MARCHF4: variants seen among roughly 807,000 people sequenced by gnomAD.
The protein encoded by MARCHF4 is membrane associated ring-CH-type finger 4, also known as E3 ubiquitin-protein ligase MARCHF4.
In MARCHF4, 14 loss-of-function variants were observed where a neutral mutation model predicts 43.9. The ratio of observed to expected loss-of-function variants is 0.32; its 90% CI spans 0.21 to 0.50. The LOEUF (loss-of-function observed/expected upper bound fraction) is 0.50. MARCHF4 is among the 20% of genes least tolerant of loss of function. The probability of loss-of-function intolerance (pLI) is 0.98; values close to 1 mark genes in which losing one functional copy is unlikely to be tolerated. For missense variants in MARCHF4, 468 were observed against 536.7 expected (o/e 0.87, Z 1.27); for synonymous variants, 226 against 213.3 (o/e 1.06, Z -0.52).
chr2:216,338,223 A>G (rs1413149043), intron 1 of MARCHF4, among the ~76,000 whole-genome samples: 1 of 152,176 alleles, frequency 6.6e-6, no homozygotes, highest in Non-Finnish European at 1.5e-5. Context: ...CTGTAGTGTA[A>G]GAGGGTAAGT....
Position 216,370,310 on chromosome 2 carries a change from G to C in MARCHF4, c.-50C>G. 1 of 1,513,156 alleles carries C rather than the reference G, an allele frequency of 6.6e-7. No homozygotes were observed. The highest frequency in any genetic ancestry group is 8.9e-7 in the Non-Finnish European group (1 of 1,128,266). The allele number at this position is 1,513,156 out of a possible 1,614,324, so 93.7% of individuals were successfully genotyped here. ...AAGAGGGGTGGCTGGAGTCTTAAAAGAGGGGGACAGGACAGGTTTTGGGGG... is the reference window on the plus strand; with the variant it reads ...AAGAGGGGTGGCTGGAGTCTTAAAACAGGGGGACAGGACAGGTTTTGGGGG... On this transcript the variant is annotated 5_prime_UTR_variant, in exon 1 of 4. Transcript: ENST00000273067.
chr2:216,279,281 T>C (rs113220319), intron 2 of MARCHF4, among the ~76,000 whole-genome samples: 2 of 152,278 alleles, frequency 1.3e-5, no homozygotes, highest in African/African-American at 4.8e-5. Context: ...GATAAAAGCC[T>C]GGGAGAAGAT....
intron 3 of MARCHF4, among the ~76,000 whole-genome samples, chr2:216,273,453 C>T (rs903636777): frequency 3.9e-5 from 6 of 152,166 alleles, no homozygotes; most frequent in African/African-American, 1.4e-4. Flanking sequence ...ATCTCAGGTG[C>T]TGAATTGCTC....
At chr2:216,269,824 A>T (rs1457453502) in intron 3 of MARCHF4, among the ~76,000 whole-genome samples, 3 of 152,190 alleles carry the variant, frequency 2.0e-5, no homozygotes, top group Non-Finnish European at 4.4e-5. Context: ...GCCATTCTGT[A>T]GTACAGCTGC....
At chr2:216,287,825 G>A (rs1364277911) in intron 1 of MARCHF4, among the ~76,000 whole-genome samples, 1 of 151,670 alleles carries the variant, frequency 6.6e-6, no homozygotes, top group African/African-American at 2.4e-5. Context: ...ACATGGTTTT[G>A]GGAAACAGCC....
chr2:216,281,320 C>T (rs2105939735), intron 2 of MARCHF4, among the ~76,000 whole-genome samples: 1 of 152,290 alleles, frequency 6.6e-6, no homozygotes, highest in East Asian at 1.9e-4. Flanking sequence ...GCCTCAGCCT[C>T]CCATCAGTGC....
chr2:216,346,540 CTG>C (rs1692323428), intron 1 of MARCHF4, among the ~76,000 whole-genome samples: 1 of 152,114 alleles, frequency 6.6e-6, no homozygotes, highest in African/African-American at 2.4e-5. Flanking sequence ...GCTGTGATCA[CTG>C]TCTGAGTGTA....
At chr2:216,345,068 T>C (rs961260430) in intron 1 of MARCHF4, among the ~76,000 whole-genome samples, 9 of 151,970 alleles carry the variant, frequency 5.9e-5, no homozygotes, top group African/African-American at 2.2e-4. Context: ...AGAATGAGGA[T>C]GGCAACTTCA....
At chr2:216,347,721 C>T (rs1423703689) in intron 1 of MARCHF4, among the ~76,000 whole-genome samples, 1 of 149,704 alleles carries the variant, frequency 6.7e-6, no homozygotes, top group Non-Finnish European at 1.5e-5. Flanking sequence ...AGCAAGACTC[C>T]GTCTCAAAAA....
At chr2:216,320,623 CTT>C (rs1220202081) in intron 1 of MARCHF4, among the ~76,000 whole-genome samples, 1 of 82,840 alleles carries the variant, frequency 1.2e-5, no homozygotes, top group African/African-American at 5.3e-5. Context: ...TTCTTTCTTT[CTT>C]TCTTTCTTTC....
intron 3 of MARCHF4, among the ~76,000 whole-genome samples, chr2:216,263,088 A>G (rs1392724554): frequency 1.3e-5 from 2 of 152,176 alleles, no homozygotes; most frequent in Non-Finnish European, 2.9e-5. Context: ...CTGAGTAGGC[A>G]GCCAGTATCC....
chr2:216,283,540 C>T, intron 2 of MARCHF4, 34 bp downstream of exon 2: 2 of 1,557,092 alleles, frequency 1.3e-6, no homozygotes, highest in Non-Finnish European at 1.8e-6. Context: ...AAGCCCCAGG[C>T]CCAGCAACCC....
chr2:216,274,700 C>G (rs1423529577), intron 3 of MARCHF4, among the ~76,000 whole-genome samples: 1 of 152,176 alleles, frequency 6.6e-6, no homozygotes, highest in Non-Finnish European at 1.5e-5. Flanking sequence ...TATTTCTTCT[C>G]CTAGCATTTT....
At chr2:216,310,751 T>G (rs1574471963) in intron 1 of MARCHF4, among the ~76,000 whole-genome samples, 1 of 152,272 alleles carries the variant, frequency 6.6e-6, no homozygotes, top group African/African-American at 2.4e-5. Context: ...TGGTTTTAAG[T>G]CTCTTCTTAC....
intron 1 of MARCHF4, among the ~76,000 whole-genome samples, chr2:216,302,288 G>A (rs79454393): frequency 0.051 from 7,728 of 151,614 alleles, 335 homozygotes; most frequent in South Asian, 0.19. Flanking sequence ...GTGTGATCTC[G>A]GCTCACTGCA....
chr2:216,298,416 C>A (rs1054299895), intron 1 of MARCHF4, among the ~76,000 whole-genome samples: 3 of 151,942 alleles, frequency 2.0e-5, no homozygotes, highest in African/African-American at 7.3e-5. Context: ...CAGGTGTGTG[C>A]CACCACGCTC....
chr2:216,349,637 G>A (rs1169452240), intron 1 of MARCHF4, among the ~76,000 whole-genome samples: 1 of 152,178 alleles, frequency 6.6e-6, no homozygotes, highest in African/African-American at 2.4e-5. Context: ...GCTTGGAATG[G>A]TGATGGAAAA....
At chr2:216,357,496 T>G (rs1692520147) in intron 1 of MARCHF4, among the ~76,000 whole-genome samples, 1 of 152,324 alleles carries the variant, frequency 6.6e-6, no homozygotes, top group Admixed American at 6.5e-5. Context: ...AATTTTTAAA[T>G]TTTTTGTAGA....
intron 1 of MARCHF4, among the ~76,000 whole-genome samples, chr2:216,354,947 CTTT>C (rs1692470337): frequency 7.1e-6 from 1 of 140,186 alleles, no homozygotes; most frequent in Non-Finnish European, 1.5e-5. Context: ...TTCTTTCTTT[CTTT>C]CTTTCTTTCT....
Sources: gnomAD v4.1 joint callset for allele counts (sites outside exome capture counted in the v4.1 genomes callset) on GRCh38, gnomAD v4.1.1 for gene constraint, MANE v1.5 for transcripts, NCBI Gene and HGNC (gene_info 2026-07-23, HGNC 2026-07-21) for gene names.